SMG7: variants seen among roughly 807,000 people sequenced by gnomAD.
SMG7 encodes the protein SMG7 nonsense mediated mRNA decay factor.
In SMG7, 34 loss-of-function variants were observed where a neutral mutation model predicts 148.2. The observed-to-expected ratio is 0.23, with a 90% confidence interval of 0.17 to 0.31. SMG7 has a LOEUF of 0.31. Among genes scored for constraint, SMG7 ranks in the 10% least tolerant of loss-of-function variants. The pLI, the probability that SMG7 is intolerant of heterozygous loss-of-function variation, is 1.00. For missense variants in SMG7, 1,114 were observed against 1,408.4 expected (o/e 0.79, Z 3.35); for synonymous variants, 492 against 515.1 (o/e 0.96, Z 0.61).
rs1662463276 is a variant in SMG7 at position 183,512,825 on chromosome 1, T to C, written c.30-12T>C. The C allele has an allele frequency of 3.8e-6, 6 of 1,581,756 alleles. No homozygotes were observed. The highest frequency in any genetic ancestry group is 5.1e-6 in the Non-Finnish European group (6 of 1,170,052). On this transcript the variant is annotated splice_polypyrimidine_tract_variant and intron_variant, in intron 1 of 22. Transcript: ENST00000688051. ...CTGATACTCTTTTTTTTTTTTTTTT[T>C]TTTCTATCTAGGCAGGCAGAAGTCC...
At chr1:183,515,753 A>G in intron 2 of SMG7, 121 bp from the exon 3 acceptor site, 1 of 511,772 alleles carries the variant, frequency 2.0e-6, no homozygotes, top group Non-Finnish European at 3.5e-6. Flanking sequence ...CATTCTATGG[A>G]ATATATTTAG....
intron 13 of SMG7, among the ~76,000 whole-genome samples, chr1:183,541,464 C>G (rs889440485): frequency 1.3e-5 from 2 of 152,194 alleles, no homozygotes; most frequent in African/African-American, 4.8e-5. Flanking sequence ...CAGTTTCAGG[C>G]AGGACAGACC....
At chr1:183,490,171 G>A (rs756222025) in intron 1 of SMG7, among the ~76,000 whole-genome samples, 45 of 152,186 alleles carry the variant, frequency 3.0e-4, no homozygotes, top group Non-Finnish European at 4.7e-4. Flanking sequence ...GAGCAAATTT[G>A]CTACAATGAT....
intron 19 of SMG7, 138 bp downstream of exon 19, chr1:183,549,426 T>C (rs1670566270): frequency 1.3e-5 from 9 of 667,230 alleles, no homozygotes; most frequent in Non-Finnish European, 2.3e-5. Context: ...TTTATCCCCC[T>C]TGTCTCTGAT....
At chr1:183,529,950 A>G (rs989196136) in intron 8 of SMG7, among the ~76,000 whole-genome samples, 6 of 152,282 alleles carry the variant, frequency 3.9e-5, no homozygotes, top group African/African-American at 7.2e-5. Flanking sequence ...TTTGAATGAA[A>G]GGAATGAGAG....
In SMG7 at chr1:183,551,155, G is replaced by A; in HGVS notation, c.3415G>A (p.Glu1139Lys). The change falls in exon 22 of 23, where the codon GAG (glutamate) becomes AAG (lysine). Residue 1139 changes from glutamate to lysine, a missense_variant. Physicochemically the swap from Glu to Lys is moderately conservative, Grantham distance 56. Around this residue, in one of 4 missense-constraint regions of SMG7, gnomAD observed 788 missense variants for 894.5 expected, o/e 0.88. Transcript: ENST00000688051. ...GTWTGHGPSM[E>K]DSSAVLMESL... ...CTGGACAGGCCATGGCCCTTCCATG[G>A]AGGATTCCTCTGCTGTCCTCATGGA... 1 of 1,585,946 alleles carries A rather than the reference G, an allele frequency of 6.3e-7. No homozygotes were observed. The highest frequency in any genetic ancestry group is 8.5e-7 in the Non-Finnish European group (1 of 1,173,312).
At chr1:183,510,128 G>A (rs1196243936) in intron 1 of SMG7, among the ~76,000 whole-genome samples, 1 of 152,104 alleles carries the variant, frequency 6.6e-6, no homozygotes. Flanking sequence ...ACATACTTGA[G>A]TATAAATTTT....
In SMG7 at chr1:183,528,783, A is replaced by G. The variant is rs1009630593; in HGVS notation, c.557-109A>G. The G allele has an allele frequency of 3.0e-6, 3 of 986,566 alleles. No individual in the cohort carries two copies. In the African/African-American group the frequency reaches 4.9e-5, roughly 16 times the overall value. 61.1% of individuals were successfully genotyped at this position (986,566 alleles called of 1,614,324 possible). On this transcript the variant is annotated intron_variant, in intron 6 of 22. Transcript: ENST00000688051. Reference sequence around the variant, plus strand: ...GCAATGAGGCAGTCATATTTACCTTATAAAAATACTCCCCATTGTTTGAGT... The same window carrying G: ...GCAATGAGGCAGTCATATTTACCTTGTAAAAATACTCCCCATTGTTTGAGT...
At chr1:183,512,075 G>T (rs949827460) in intron 1 of SMG7, among the ~76,000 whole-genome samples, 3 of 152,160 alleles carry the variant, frequency 2.0e-5, no homozygotes, top group African/African-American at 7.2e-5. Flanking sequence ...AAAAGAGGCA[G>T]CAGCTAGAGG....
At chr1:183,479,405 C>A (rs1186738775) in intron 1 of SMG7, among the ~76,000 whole-genome samples, 4 of 152,068 alleles carry the variant, frequency 2.6e-5, no homozygotes, top group Non-Finnish European at 5.9e-5. Flanking sequence ...TAAAAAATGT[C>A]CACACATTGC....
At chr1:183,507,731 A>G (rs1401460275) in intron 1 of SMG7, among the ~76,000 whole-genome samples, 3 of 152,192 alleles carry the variant, frequency 2.0e-5, no homozygotes, top group Non-Finnish European at 4.4e-5. Flanking sequence ...CCTGTAGTAT[A>G]GTATATAGTA....
intron 2 of SMG7, among the ~76,000 whole-genome samples, chr1:183,514,152 G>T (rs932361309): frequency 1.4e-5 from 2 of 145,472 alleles, no homozygotes; most frequent in Non-Finnish European, 3.0e-5. Flanking sequence ...AATGTAATAA[G>T]AAGGATAGGT....
At chr1:183,522,031 T>C (rs1333667083) in intron 4 of SMG7, among the ~76,000 whole-genome samples, 1 of 152,132 alleles carries the variant, frequency 6.6e-6, no homozygotes, top group Admixed American at 6.6e-5. Context: ...TTGGATTAGA[T>C]GGATTGGATT....
At chr1:183,537,595 A>G (rs1668019672) in intron 11 of SMG7, among the ~76,000 whole-genome samples, 1 of 152,202 alleles carries the variant, frequency 6.6e-6, no homozygotes, top group Non-Finnish European at 1.5e-5. Context: ...ATACAGAGAT[A>G]CCTTTTACTA....
At chr1:183,531,582 T>C (rs1283148196) in intron 8 of SMG7, among the ~76,000 whole-genome samples, 2 of 152,148 alleles carry the variant, frequency 1.3e-5, no homozygotes, top group African/African-American at 4.8e-5. Flanking sequence ...TTTAGAGATA[T>C]AGGGGAAAAC....
At position 183,546,019 on chromosome 1, in the gene SMG7, C is replaced by T. The variant is rs1011838749; in HGVS notation, c.2424C>T (p.Gly808=). ...TGTGGAATCCCCCTCAGGTTCAAGG[C>T]CCATTAGGGAAAATTATGCCTGTGA... The part of the protein sequence containing the change: ...KQLWNPPQVQ[G]PLGKIMPVKQ... The change falls in exon 17 of 23, where the codon GGC becomes GGT. Residue 808 remains glycine (G), a synonymous_variant. Transcript: ENST00000688051. 1.2e-6 allele frequency: 2 copies of T among 1,613,710 alleles called. No homozygotes were observed. Among genetic ancestry groups the T allele is most frequent in the African/African-American group, 2.7e-5 (2 of 74,856 alleles).
chr1:183,548,580 C>T (rs1670369753), intron 18 of SMG7, among the ~76,000 whole-genome samples: 2 of 151,908 alleles, frequency 1.3e-5, no homozygotes, highest in Non-Finnish European at 2.9e-5. Context: ...AATGATACAA[C>T]GTATGTCAAA....
In SMG7 at chr1:183,496,390, T is replaced by C. The variant is rs148587001; in HGVS notation, c.30-16447T>C. 7.0e-3 allele frequency among the ~76,000 whole-genome samples: 1,072 copies of C among 152,326 alleles called. 7 individuals are homozygous for C. The highest frequency in any genetic ancestry group is 9.2e-3 in the Non-Finnish European group (625 of 68,034). ...TATCCCATCCTATTAAAAAACATGT[T>C]ATGTATTCCATCTTAAAAACGCTTT... On this transcript the variant is annotated intron_variant, in intron 1 of 22. Coordinates refer to ENST00000688051, the MANE Select transcript of SMG7 (RefSeq NM_001375584.1).
At chr1:183,548,637 A>G (rs959441844) in intron 18 of SMG7, among the ~76,000 whole-genome samples, 1 of 152,234 alleles carries the variant, frequency 6.6e-6, no homozygotes, top group African/African-American at 2.4e-5. Context: ...TTAGCCAGCT[A>G]TTCAGTGACA....
Sources: allele counts gnomAD v4.1 joint callset (sites outside exome capture counted in the v4.1 genomes callset), GRCh38; gene constraint gnomAD v4.1.1; regional missense constraint gnomAD v4.1.1; transcripts MANE v1.5; gene names NCBI Gene and HGNC (gene_info 2026-07-23, HGNC 2026-07-21).